The following LRMDA variants were observed in gnomAD, a reference collection of about 807,000 sequenced individuals.
The protein encoded by LRMDA is leucine-rich melanocyte differentiation-associated protein.
Under a neutral mutation model 29.8 loss-of-function variants are expected in LRMDA, and 18 were observed. The ratio of observed to expected loss-of-function variants is 0.60; its 90% CI spans 0.42 to 0.90. The LOEUF (loss-of-function observed/expected upper bound fraction) is 0.90, where lower values mean the gene tolerates loss of function less well. Among genes scored for constraint, LRMDA ranks in the 40% least tolerant of loss-of-function variants. The pLI, the probability that LRMDA is intolerant of heterozygous loss-of-function variation, is 0.00. For missense variants in LRMDA, 273 were observed against 273.9 expected (o/e 1.00, Z 0.02); for synonymous variants, 125 against 109.4 (o/e 1.14, Z -0.89).
chr10:75,489,443 G>A (rs1045754440), intron 2 of LRMDA, among the ~76,000 whole-genome samples: 1 of 152,196 alleles, frequency 6.6e-6, no homozygotes, highest in African/African-American at 2.4e-5. Context: ...GCTTTCAGCT[G>A]TATGTGAAAG....
chr10:75,443,271 T>C (rs1844351071), intron 2 of LRMDA, among the ~76,000 whole-genome samples: 3 of 152,178 alleles, frequency 2.0e-5, no homozygotes, highest in Admixed American at 2.0e-4. Flanking sequence ...TGGGCATCCT[T>C]ATTCCTGATC....
At chr10:76,374,209 CTG>C (rs1205269465) in intron 6 of LRMDA, among the ~76,000 whole-genome samples, 2 of 152,214 alleles carry the variant, frequency 1.3e-5, no homozygotes, top group Non-Finnish European at 2.9e-5. Context: ...AAAAGTCCAT[CTG>C]TCTTTGACTT....
chr10:75,875,207 T>C (rs1845175857), intron 2 of LRMDA, among the ~76,000 whole-genome samples: 1 of 152,218 alleles, frequency 6.6e-6, no homozygotes, highest in Non-Finnish European at 1.5e-5. Context: ...CAGGAGTTAC[T>C]ACCTCATCTC....
At chr10:75,686,533 A>C (rs1482643954) in intron 2 of LRMDA, among the ~76,000 whole-genome samples, 3 of 152,164 alleles carry the variant, frequency 2.0e-5, no homozygotes, top group Non-Finnish European at 4.4e-5. Flanking sequence ...ATTTATTCGA[A>C]TGTGTAGTGC....
chr10:76,344,911 AAAG>A (rs571467507), intron 6 of LRMDA, among the ~76,000 whole-genome samples: 40 of 151,852 alleles, frequency 2.6e-4, no homozygotes, highest in African/African-American at 9.2e-4. Flanking sequence ...TGAAAAAAAA[AAAG>A]AAATCATACA....
intron 6 of LRMDA, among the ~76,000 whole-genome samples, chr10:76,482,219 ATTAACATACAT>A: frequency 6.6e-6 from 1 of 152,112 alleles, no homozygotes. Context: ...TTATTGAAGT[ATTAACATACAT>A]TTATAAGTAT....
chr10:76,427,833 A>G (rs1842145593), intron 6 of LRMDA, among the ~76,000 whole-genome samples: 1 of 152,156 alleles, frequency 6.6e-6, no homozygotes. Context: ...AATTTTGTCA[A>G]AGGCCTTTTC....
At chr10:76,421,393 A>T (rs972830788) in intron 6 of LRMDA, among the ~76,000 whole-genome samples, 2 of 152,170 alleles carry the variant, frequency 1.3e-5, no homozygotes, top group East Asian at 3.9e-4. Context: ...CTACTCTCAA[A>T]TTCTCTGAAG....
At chr10:76,051,084 G>A (rs1050365565) in intron 4 of LRMDA, among the ~76,000 whole-genome samples, 1 of 152,214 alleles carries the variant, frequency 6.6e-6, no homozygotes, top group African/African-American at 2.4e-5. Flanking sequence ...CCTGGGGCCT[G>A]CCCAGTGTCT....
At chr10:75,951,710 T>C (rs1846577532) in intron 2 of LRMDA, among the ~76,000 whole-genome samples, 1 of 152,170 alleles carries the variant, frequency 6.6e-6, no homozygotes, top group Non-Finnish European at 1.5e-5. Context: ...AACTGGAATA[T>C]TTCTGTGTGT....
At chr10:76,013,794 G>T (rs2132482926) in intron 2 of LRMDA, among the ~76,000 whole-genome samples, 1 of 152,024 alleles carries the variant, frequency 6.6e-6, no homozygotes, top group Middle Eastern at 3.4e-3. Context: ...TTAGGCTGGG[G>T]CAAGGGCTGT....
chr10:75,490,261 G>A (rs1410092040), intron 2 of LRMDA, among the ~76,000 whole-genome samples: 1 of 151,972 alleles, frequency 6.6e-6, no homozygotes, highest in Admixed American at 6.6e-5. Flanking sequence ...TCCCTGATGG[G>A]CACTTAATAA....
intron 5 of LRMDA, among the ~76,000 whole-genome samples, chr10:76,321,971 G>T (rs1054580367): frequency 6.6e-6 from 1 of 152,090 alleles, no homozygotes; most frequent in African/African-American, 2.4e-5. Context: ...CATTTGCCAA[G>T]GATTCAAAGA....
At chr10:75,787,619 G>T (rs1589201472) in intron 2 of LRMDA, among the ~76,000 whole-genome samples, 1 of 152,084 alleles carries the variant, frequency 6.6e-6, no homozygotes, top group East Asian at 1.9e-4. Flanking sequence ...AAACATCTTT[G>T]CCTTTTAAAT....
At chr10:75,829,841 C>CT (rs34025294) in intron 2 of LRMDA, among the ~76,000 whole-genome samples, 5,244 of 89,354 alleles carry the variant, frequency 0.059, 302 homozygotes, top group African/African-American at 0.13. Context: ...GAATAGGCCA[C>CT]TTTTTTTTTT....
At chr10:75,978,437 G>A (rs1196040468) in intron 2 of LRMDA, among the ~76,000 whole-genome samples, 1 of 152,158 alleles carries the variant, frequency 6.6e-6, no homozygotes, top group Non-Finnish European at 1.5e-5. Context: ...TACCTCTTAA[G>A]GAAACTTCCA....
At chr10:76,019,030 C>T (rs1299633148) in intron 2 of LRMDA, among the ~76,000 whole-genome samples, 2 of 152,150 alleles carry the variant, frequency 1.3e-5, no homozygotes, top group African/African-American at 4.8e-5. Context: ...TTGCCCAGGA[C>T]AGTTTTAGTT....
chr10:75,760,438 A>G (rs1458167625), intron 2 of LRMDA, among the ~76,000 whole-genome samples: 2 of 152,000 alleles, frequency 1.3e-5, no homozygotes, highest in African/African-American at 4.8e-5. Context: ...ACCACTATGG[A>G]TTTTGGTCGT....
intron 2 of LRMDA, among the ~76,000 whole-genome samples, chr10:75,819,007 T>A (rs976404122): frequency 6.6e-6 from 1 of 152,232 alleles, no homozygotes; most frequent in Non-Finnish European, 1.5e-5. Context: ...TTGTTGGGTT[T>A]GTGTTTCCCT....
Sources: allele counts gnomAD v4.1 joint callset (sites outside exome capture counted in the v4.1 genomes callset), GRCh38; gene constraint gnomAD v4.1.1; transcripts MANE v1.5; gene names NCBI Gene and HGNC (gene_info 2026-07-23, HGNC 2026-07-21).